Variants in LRP1 observed in about 807,000 individuals in gnomAD.
LRP1 encodes the protein LDL receptor related protein 1.
LRP1 carries 51 observed loss-of-function variants against 541.5 expected under a neutral mutation model. The observed-to-expected ratio is 0.09, with a 90% CI of 0.08 to 0.12. LRP1 has a LOEUF of 0.12. Among genes scored for constraint, LRP1 ranks in the 10% least tolerant of loss-of-function variants. The probability of loss-of-function intolerance (pLI) is 1.00; values close to 1 mark genes in which losing one functional copy is unlikely to be tolerated. For missense variants in LRP1, 3,878 were observed against 6,376.2 expected, an observed-to-expected ratio of 0.61 and a Z score of 13.34; for synonymous variants, 2,219 against 2,470.8, an observed-to-expected ratio of 0.90 and a Z score of 3.02.
At position 57,212,640 on chromosome 12, in the gene LRP1, T is replaced by C; in HGVS notation, c.*85T>C. On this transcript the variant is annotated 3_prime_UTR_variant, in exon 89 of 89. Coordinates refer to ENST00000243077, the MANE Select transcript of LRP1 (RefSeq NM_002332.3). The surrounding 1 kb of genome is among the most constrained non-coding windows in gnomAD (Gnocchi z 5.0). ...CAGTGAGCCCCTCCCCAGCCAGCCC[T>C]TCCCTGGCCCCGCCGGATGTATAAA... 1 of 1,359,970 alleles carries C rather than the reference T, an allele frequency of 7.4e-7. No individual in the cohort carries two copies. The allele number at this position is 1,359,970 out of a possible 1,614,324, so 84.2% of individuals were successfully genotyped here.
chr12:57,212,409 C>A lies in LRP1; in HGVS notation c.13495-6C>A. The A allele has an allele frequency of 1.9e-6, 3 of 1,614,054 alleles. No homozygotes were observed. Among genetic ancestry groups the A allele is most frequent in the Non-Finnish European group, 1.7e-6 (2 of 1,180,006 alleles). The stretch of plus-strand genomic sequence containing the variant: ...AGCCCTACCTGAACCCTCTGTCACC[C>A]TGCAGCCCACCAACTTCACCAACCC... On this transcript the variant is annotated splice_polypyrimidine_tract_variant and splice_region_variant and intron_variant, in intron 88 of 88. Coordinates refer to ENST00000243077, the MANE Select transcript of LRP1 (RefSeq NM_002332.3). The surrounding 1 kb of genome is among the most constrained non-coding windows in gnomAD (Gnocchi z 5.0).
chr12:57,138,467 A>G lies in LRP1; in HGVS notation c.76A>G (p.Thr26Ala). 1 of 1,613,794 alleles carries G rather than the reference A, an allele frequency of 6.2e-7. No individual in the cohort carries two copies. The highest frequency in any genetic ancestry group is 1.7e-4 in the Middle Eastern group (1 of 6,058). ...TTCTTTCCTTGCCCTAGCCCCTAAG[A>G]CTTGCAGCCCCAAGCAGTTTGCCTG... ...LVAAAIDAPK[T>A]CSPKQFACRD... Residue 26 changes from threonine to alanine, a missense_variant, in exon 2 of 89, where the codon ACT (threonine) becomes GCT (alanine). This residue lies in a region of LRP1 where 293 missense variants were observed against 403.7 expected (regional missense o/e 0.73). Coordinates refer to ENST00000243077, the MANE Select transcript of LRP1 (RefSeq NM_002332.3).
At position 57,194,503 on chromosome 12, in the gene LRP1, G is replaced by T; in HGVS notation, c.8068G>T (p.Gly2690Cys). Residue 2690 changes from glycine to cysteine, a missense_variant and splice_region_variant, in exon 49 of 89, where the codon GGT becomes TGT. Gly to Cys is a radical substitution (Grantham distance 159). Transcript: ENST00000243077. ...GDYSDERDCP[G>C]VKRPRCPLNY... The stretch of plus-strand genomic sequence containing the variant: ...CTACAGTGATGAGCGCGACTGCCCA[G>T]GTGGGCGGGGGCAGGTGTGTGGTGG... 6.2e-7 allele frequency: 1 copy of T among 1,608,772 alleles called. No individual in the cohort carries two copies. The highest frequency in any genetic ancestry group is 8.5e-7 in the Non-Finnish European group (1 of 1,177,924).
chr12:57,133,310 A>G (rs2035077494), intron 1 of LRP1, among the ~76,000 whole-genome samples: 1 of 151,798 alleles, frequency 6.6e-6, no homozygotes, highest in Non-Finnish European at 1.5e-5. Context: ...GGGGAAAGGA[A>G]AAGCTGGTGG....
rs1222594749 is a variant in LRP1, at chr12:57,179,276, G to A, written c.4739-53G>A. 4.9e-6 allele frequency: 7 copies of A among 1,425,020 alleles called. No homozygotes were observed. Among genetic ancestry groups the A allele is most frequent in the South Asian group, 1.2e-5 (1 of 84,186 alleles). 88.3% of individuals were successfully genotyped at this position (1,425,020 alleles called of 1,614,324 possible). ...GAAGGCAGGGCCTGAAACCGGATTG[G>A]TGGGAAGCACAGAGGCAGGGACTGC... On this transcript the variant is annotated intron_variant, in intron 28 of 88. Coordinates refer to ENST00000243077, the MANE Select transcript of LRP1 (RefSeq NM_002332.3). The surrounding 1 kb of genome is among the most constrained non-coding windows in gnomAD (Gnocchi z 6.8).
At chr12:57,180,231 C>T in intron 31 of LRP1, 90 bp downstream of exon 31, 4 of 1,578,788 alleles carry the variant, frequency 2.5e-6, no homozygotes, top group Non-Finnish European at 3.5e-6. Flanking sequence ...CCTCAGCCTC[C>T]CCAGAGCCCT....
chr12:57,191,909 C>CACACCA (rs1256279319), intron 44 of LRP1, among the ~76,000 whole-genome samples: 5 of 978 alleles, frequency 5.1e-3, no homozygotes, highest in African/African-American at 6.7e-3. Flanking sequence ...CATACACACA[C>CACACCA]CACCACACAC....
chr12:57,160,021 C>T lies in LRP1; in HGVS notation c.1979+16C>T, dbSNP rs2035695716. 6 of 1,612,126 alleles carry T rather than the reference C, an allele frequency of 3.7e-6. No homozygotes were observed. The highest frequency in any genetic ancestry group is 5.1e-6 in the Non-Finnish European group (6 of 1,178,604). On this transcript the variant is annotated intron_variant, in intron 12 of 88. Coordinates refer to ENST00000243077, the MANE Select transcript of LRP1 (RefSeq NM_002332.3). ...CACTCAATGGGTGAGTCCTCCCAGG[C>T]CTTGGGGTGGGAGGAGCTGGGAGTG...
rs946460753 is a variant in LRP1 at position 57,206,993 on chromosome 12, G to C, written c.11859+252G>C. On this transcript the variant is annotated intron_variant, in intron 76 of 88. Coordinates refer to ENST00000243077, the MANE Select transcript of LRP1 (RefSeq NM_002332.3). This position sits in a 1 kb window ranked among gnomAD's most constrained non-coding sequence, Gnocchi z 4.7. Reference sequence around the variant, plus strand: ...GCGGTGGCTCATGCCTGTAATCCCAGCACTTTGGGAGGCAGAGGTGGGTGG... The same window carrying C: ...GCGGTGGCTCATGCCTGTAATCCCACCACTTTGGGAGGCAGAGGTGGGTGG... 6.6e-6 allele frequency among the ~76,000 whole-genome samples: 1 copy of C among 152,188 alleles called. No homozygotes were observed. Among genetic ancestry groups the C allele is most frequent in the East Asian group, 1.9e-4 (1 of 5,202 alleles).
chr12:57,207,267 T>C (rs1299101234), intron 76 of LRP1, among the ~76,000 whole-genome samples: 1 of 136,056 alleles, frequency 7.3e-6, no homozygotes, highest in Non-Finnish European at 1.5e-5. Flanking sequence ...AATAAATAAA[T>C]AAATAAATAA....
At chr12:57,138,437 C>A in intron 1 of LRP1, 22 bp from the exon 2 acceptor site, 1 of 1,612,352 alleles carries the variant, frequency 6.2e-7, no homozygotes. Context: ...CATTTATATC[C>A]CCTTTTCTTT....
chr12:57,141,038 C>G (rs1462734382), intron 2 of LRP1, among the ~76,000 whole-genome samples: 2 of 152,146 alleles, frequency 1.3e-5, no homozygotes, highest in East Asian at 3.8e-4. Context: ...CCGGCATCAT[C>G]AAAACCTTTT....
chr12:57,137,241 C>CAAAA (rs34702781), intron 1 of LRP1, among the ~76,000 whole-genome samples: 3 of 101,104 alleles, frequency 3.0e-5, no homozygotes, highest in African/African-American at 4.3e-5. Context: ...AACTCTGTCT[C>CAAAA]AAAAAAAAAA....
chr12:57,177,737 G>T lies in LRP1; in HGVS notation c.4361+146G>T, dbSNP rs1441278941. ...AAAGGACTGGGCACAGGAGGAGGAGGACGGAGGGGCGTGGGGAGGCCAGGG... is the reference window on the plus strand; with the variant it reads ...AAAGGACTGGGCACAGGAGGAGGAGTACGGAGGGGCGTGGGGAGGCCAGGG... On this transcript the variant is annotated intron_variant, in intron 26 of 88. Coordinates refer to ENST00000243077, the MANE Select transcript of LRP1 (RefSeq NM_002332.3). This position sits in a 1 kb window ranked among gnomAD's most constrained non-coding sequence, Gnocchi z 6.8. 1 of 998,558 alleles carries T rather than the reference G, an allele frequency of 1.0e-6. No homozygotes were observed. The highest frequency in any genetic ancestry group is 1.6e-5 in the African/African-American group (1 of 61,898). 61.9% of individuals were successfully genotyped at this position (998,558 alleles called of 1,614,324 possible). A position where few individuals can be genotyped will look rare whatever the true frequency, so the allele number is the denominator to read the frequency against.
rs75290992 is a variant in LRP1, at chr12:57,203,164, C to A, written c.10712-17C>A. 1 of 1,543,284 alleles carries A rather than the reference C, an allele frequency of 6.5e-7. No individual in the cohort carries two copies. Among genetic ancestry groups the A allele is most frequent in the Non-Finnish European group, 8.8e-7 (1 of 1,138,116 alleles). On this transcript the variant is annotated splice_polypyrimidine_tract_variant and intron_variant, in intron 68 of 88. Coordinates refer to ENST00000243077, the MANE Select transcript of LRP1 (RefSeq NM_002332.3). ...TGTGCCCACCCTCCTGGGCCTGTCT[C>A]CCCCTGTCCTTCCCAGCCCCTCGGC...
chr12:57,196,170 G>A lies in LRP1; in HGVS notation c.8785G>A (p.Asp2929Asn). The change falls in exon 55 of 89, where the codon GAC becomes AAC. Residue 2929 changes from aspartate to asparagine, a missense_variant. By Grantham distance (23) the Asp-to-Asn change is conservative. Transcript: ENST00000243077. ...AEALLCNGQD[D>N]CGDSSDERGC... ...GGCACTGCTCTGCAACGGCCAGGAT[G>A]ACTGTGGCGACAGCTCGGACGAGCG... 6.2e-7 allele frequency: 1 copy of A among 1,612,890 alleles called. No homozygotes were observed. Among genetic ancestry groups the A allele is most frequent in the African/African-American group, 1.3e-5 (1 of 75,060 alleles).
Position 57,211,881 on chromosome 12 carries a change from G to T in LRP1, c.13259-46G>T, listed in dbSNP as rs758720049. ...AGAGCAGGGGGACCGTGTGCCTCCT[G>T]CTTCCCTGAGCCTTGGTGACTCAGT... is the stretch of plus-strand genomic sequence containing the variant. On this transcript the variant is annotated intron_variant, in intron 86 of 88. Transcript: ENST00000243077. The surrounding 1 kb of genome is among the most constrained non-coding windows in gnomAD (Gnocchi z 4.3). 1.9e-6 allele frequency: 3 copies of T among 1,613,542 alleles called. 1 individual carries two copies. In the South Asian group the frequency reaches 3.3e-5, roughly 18 times the overall value.
rs369736683 is a variant in LRP1, at chr12:57,156,969, G to A, written c.1561+49G>A. ...GTGCCCATTGGGAGGCTGCGGGAGGGTTCCTCAGGTGTCCCCCACAGCCCG... is the reference window on the plus strand; with the variant it reads ...GTGCCCATTGGGAGGCTGCGGGAGGATTCCTCAGGTGTCCCCCACAGCCCG... On this transcript the variant is annotated intron_variant, in intron 10 of 88. Coordinates refer to ENST00000243077, the MANE Select transcript of LRP1 (RefSeq NM_002332.3). The surrounding 1 kb of genome is among the most constrained non-coding windows in gnomAD (Gnocchi z 5.2). The A allele has an allele frequency of 6.8e-4, 1,031 of 1,507,188 alleles. No homozygotes were observed. The highest frequency in any genetic ancestry group is 8.9e-4 in the Non-Finnish European group (996 of 1,121,482). The allele number at this position is 1,507,188 out of a possible 1,614,324, so 93.4% of individuals were successfully genotyped here.
In LRP1 at chr12:57,183,271, G is replaced by C. The variant is rs137872862; in HGVS notation, c.5663-108G>C. 33 of 1,167,092 alleles carry C rather than the reference G, an allele frequency of 2.8e-5. No homozygotes were observed. The highest frequency in any genetic ancestry group is 4.9e-5 in the East Asian group (2 of 41,186). 72.3% of individuals were successfully genotyped at this position (1,167,092 alleles called of 1,614,324 possible). Reference sequence around the variant, plus strand: ...CTGGGTGGAGGATAGGGATGATGGTGGGGGGGGATGATATCAAAGGAGAAG... The same window carrying C: ...CTGGGTGGAGGATAGGGATGATGGTCGGGGGGGATGATATCAAAGGAGAAG... On this transcript the variant is annotated intron_variant, in intron 34 of 88. Coordinates refer to ENST00000243077, the MANE Select transcript of LRP1 (RefSeq NM_002332.3). This position sits in a 1 kb window ranked among gnomAD's most constrained non-coding sequence, Gnocchi z 6.1.
Sources: allele counts gnomAD v4.1 joint callset (sites outside exome capture counted in the v4.1 genomes callset), GRCh38; gene constraint gnomAD v4.1.1; regional missense constraint gnomAD v4.1.1; non-coding constraint Gnocchi (gnomAD v3.1); transcripts MANE v1.5; gene names NCBI Gene and HGNC (gene_info 2026-07-23, HGNC 2026-07-21).